The following MAP4 variants were observed in gnomAD, a reference collection of about 807,000 sequenced individuals.
The protein encoded by MAP4 is microtubule associated protein 4.
In MAP4, 76 loss-of-function variants were observed where a neutral mutation model predicts 170.2. The observed-to-expected ratio is 0.45, with a 90% CI of 0.37 to 0.54. The LOEUF is 0.54. Among genes scored for constraint, MAP4 ranks in the 20% least tolerant of loss-of-function variants. MAP4 has a pLI of 0.00. For missense variants in MAP4, 2,506 were observed against 2,748.0 expected (o/e 0.91, Z 1.97); for synonymous variants, 909 against 994.5 (o/e 0.91, Z 1.62).
chr3:47,970,706 A>C (rs2100078150), intron 3 of MAP4, among the ~76,000 whole-genome samples: 1 of 151,614 alleles, frequency 6.6e-6, no homozygotes, highest in Admixed American at 6.6e-5. Flanking sequence ...AGCTACAGCA[A>C]CTTGGGAGGC....
At chr3:47,937,656 C>CTTTTTTTTTT (rs71070243) in intron 3 of MAP4, among the ~76,000 whole-genome samples, 3 of 107,914 alleles carry the variant, frequency 2.8e-5, no homozygotes, top group Non-Finnish European at 3.6e-5. Context: ...TTTTCTTCTT[C>CTTTTTTTTTT]TTTTTTTTTT....
At chr3:47,899,445 C>A (rs1371572871) in intron 10 of MAP4, among the ~76,000 whole-genome samples, 1 of 152,282 alleles carries the variant, frequency 6.6e-6, no homozygotes, top group East Asian at 1.9e-4. Context: ...CGGCCCCTTG[C>A]CTCTAGGTCC....
chr3:47,998,059 G>A (rs1290457157), intron 2 of MAP4, among the ~76,000 whole-genome samples: 1 of 152,052 alleles, frequency 6.6e-6, no homozygotes, highest in Non-Finnish European at 1.5e-5. Context: ...GAGAAAGAAG[G>A]GAACACTTCC....
intron 2 of MAP4, among the ~76,000 whole-genome samples, chr3:47,992,223 A>G (rs1361392835): frequency 1.3e-5 from 2 of 152,136 alleles, no homozygotes; most frequent in Admixed American, 1.3e-4. Context: ...TCAGACCCAC[A>G]GCAGAGAAGT....
chr3:48,033,494 T>C (rs2100117207), intron 1 of MAP4, among the ~76,000 whole-genome samples: 1 of 152,244 alleles, frequency 6.6e-6, no homozygotes, highest in South Asian at 2.1e-4. Context: ...CCAGCTGTCC[T>C]TAATTTTTTT....
chr3:47,951,120 T>C (rs1352146428), intron 3 of MAP4, among the ~76,000 whole-genome samples: 1 of 152,218 alleles, frequency 6.6e-6, no homozygotes, highest in Non-Finnish European at 1.5e-5. Flanking sequence ...GTTTTAAAAT[T>C]ACATTCTTTT....
chr3:47,981,284 C>A (rs2100085273), intron 2 of MAP4, among the ~76,000 whole-genome samples: 2 of 151,920 alleles, frequency 1.3e-5, no homozygotes. Context: ...CCAAGACACC[C>A]TAGGGTATGC....
At chr3:48,056,194 T>G (rs1383627261) in intron 1 of MAP4, among the ~76,000 whole-genome samples, 3 of 87,136 alleles carry the variant, frequency 3.4e-5, no homozygotes, top group African/African-American at 3.9e-5. Flanking sequence ...CCGCCAGCCA[T>G]GCCGTCCGGG....
chr3:47,893,361 A>G (rs2100025089), intron 10 of MAP4, among the ~76,000 whole-genome samples: 1 of 152,128 alleles, frequency 6.6e-6, no homozygotes. Flanking sequence ...CTCCACTACC[A>G]AGCCCTGCTC....
intron 6 of MAP4, among the ~76,000 whole-genome samples, chr3:47,917,478 TG>T (rs1237194790): frequency 6.7e-6 from 1 of 149,800 alleles, no homozygotes; most frequent in African/African-American, 2.5e-5. Flanking sequence ...CCCAGCTACT[TG>T]GGAGGCTGAA....
chr3:47,968,089 T>C (rs1282897164), intron 3 of MAP4, among the ~76,000 whole-genome samples: 1 of 152,202 alleles, frequency 6.6e-6, no homozygotes. Flanking sequence ...AAGGAATTTA[T>C]CCTTGAGAAA....
At chr3:47,881,108 A>G (rs1484029818) in intron 10 of MAP4, among the ~76,000 whole-genome samples, 2 of 151,984 alleles carry the variant, frequency 1.3e-5, no homozygotes, top group African/African-American at 4.8e-5. Context: ...GTAAGGATCA[A>G]TCTTAGTGGG....
At chr3:47,987,432 G>A (rs1388761686) in intron 2 of MAP4, 16 of 1,525,238 alleles carry the variant, frequency 1.0e-5, no homozygotes, top group Non-Finnish European at 1.4e-5. Context: ...GTAGTGGGAG[G>A]TCTAGAAGGG....
At chr3:47,906,920 C>G (rs546879853) in intron 9 of MAP4, among the ~76,000 whole-genome samples, 4 of 151,514 alleles carry the variant, frequency 2.6e-5, no homozygotes, top group African/African-American at 9.7e-5. Flanking sequence ...ACTGCAACCT[C>G]CACCTCCCAG....
At chr3:48,060,934 T>C (rs2100134857) in intron 1 of MAP4, among the ~76,000 whole-genome samples, 1 of 151,896 alleles carries the variant, frequency 6.6e-6, no homozygotes, top group African/African-American at 2.4e-5. Context: ...AAGCTCCGTC[T>C]CCCAAGTACA....
chr3:47,967,171 T>C (rs1490768984), intron 3 of MAP4, among the ~76,000 whole-genome samples: 1 of 151,630 alleles, frequency 6.6e-6, no homozygotes, highest in Non-Finnish European at 1.5e-5. Context: ...ACCCCATCTC[T>C]ACTAAAAATA....
intron 1 of MAP4, among the ~76,000 whole-genome samples, chr3:48,027,715 G>A (rs1275137842): frequency 2.0e-5 from 3 of 152,070 alleles, no homozygotes; most frequent in Non-Finnish European, 4.4e-5. Context: ...GCATGCACCT[G>A]TGGTTCCAGC....
At chr3:47,902,681 A>AAG (rs1183045563) in intron 10 of MAP4, among the ~76,000 whole-genome samples, 3 of 149,082 alleles carry the variant, frequency 2.0e-5, no homozygotes, top group African/African-American at 7.3e-5. Flanking sequence ...CTCAAAAAAA[A>AAG]AAAAAAAAAA....
Position 47,911,489 on chromosome 3 carries a change from C to T in MAP4, c.2932G>A (p.Ala978Thr). The T allele has an allele frequency of 1.3e-6, 2 of 1,535,986 alleles. No individual in the cohort carries two copies. Among genetic ancestry groups the T allele is most frequent in the Non-Finnish European group, 1.7e-6 (2 of 1,146,844 alleles). ...EIPNLVPTLI[A>T]SNPLECNLKE... Reference sequence around the variant, plus strand: ...AGATTACATTCTAATGGATTACTTGCTATCAAAGTGGGTACCAAATTTGGT... The same window carrying T: ...AGATTACATTCTAATGGATTACTTGTTATCAAAGTGGGTACCAAATTTGGT... The change falls in exon 9 of 21, where the codon GCA (alanine) becomes ACA (threonine). Residue 978 changes from alanine (A) to threonine (T), a missense_variant. By Grantham distance (58) the Ala-to-Thr change is moderately conservative (BLOSUM62 0). Around this residue, in one of 3 missense-constraint regions of MAP4, gnomAD observed 2,008 missense variants for 2,206.0 expected, o/e 0.91. Coordinates refer to ENST00000683076, the MANE Select transcript of MAP4 (RefSeq NM_001385682.1). The surrounding 1 kb of genome is among the most constrained non-coding windows in gnomAD (Gnocchi z 4.0).
Sources: gnomAD v4.1 joint callset for allele counts (sites outside exome capture counted in the v4.1 genomes callset) on GRCh38, gnomAD v4.1.1 for gene constraint, gnomAD v4.1.1 regional missense constraint, Gnocchi (gnomAD v3.1) non-coding constraint, MANE v1.5 for transcripts, NCBI Gene and HGNC (gene_info 2026-07-23, HGNC 2026-07-21) for gene names.